The following NRG2 variants were observed in gnomAD, a reference collection of about 807,000 sequenced individuals.
NRG2 encodes neuregulin 2.
Under a neutral mutation model 73.9 loss-of-function variants are expected in NRG2, and 27 were observed. That is an observed-to-expected ratio of 0.37 (90% CI 0.27 to 0.50). The LOEUF is 0.50. NRG2 is among the 20% of genes least tolerant of loss of function. NRG2 has a pLI of 0.96. For missense variants in NRG2, 1,126 were observed against 1,210.1 expected, an observed-to-expected ratio of 0.93 and a Z score of 1.03; for synonymous variants, 532 against 541.0, an observed-to-expected ratio of 0.98 and a Z score of 0.23.
chr5:139,945,181 A>G (rs1753716295), intron 1 of NRG2, among the ~76,000 whole-genome samples: 1 of 152,018 alleles, frequency 6.6e-6, no homozygotes, highest in African/African-American at 2.4e-5. Context: ...TAGTTTGCAA[A>G]TATTTTCTTC....
chr5:139,895,829 ACT>A (rs1764510707), intron 1 of NRG2, among the ~76,000 whole-genome samples: 1 of 152,052 alleles, frequency 6.6e-6, no homozygotes. Context: ...ATTTACCCAA[ACT>A]CTGTTTAATC....
In NRG2 at chr5:140,042,808, C is replaced by T. The variant is rs940328989; in HGVS notation, c.262G>A (p.Ala88Thr). The change falls in exon 1 of 10, where the codon GCA (alanine) becomes ACA (threonine). Residue 88 changes from alanine (A) to threonine (T), a missense_variant. This residue lies in a region of NRG2 where 185 missense variants were observed against 149.0 expected (regional missense o/e 1.24). Coordinates refer to ENST00000361474, the MANE Select transcript of NRG2 (RefSeq NM_004883.3). ...ARRAAARSRA[A>T]AAGGMRRDPA... ...TCGCGCCTCATGCCGCCGGCGGCTG[C>T]GGCTCGCGAACGGGCGGCGGCTCTC... 1.4e-5 allele frequency: 21 copies of T among 1,497,246 alleles called. No individual in the cohort carries two copies. In the Admixed American group the frequency reaches 3.3e-4, roughly 23 times the overall value. The allele number at this position is 1,497,246 out of a possible 1,614,324, so 92.7% of individuals were successfully genotyped here.
intron 1 of NRG2, among the ~76,000 whole-genome samples, chr5:140,027,355 G>A (rs1760777534): frequency 6.6e-6 from 1 of 152,208 alleles, no homozygotes; most frequent in African/African-American, 2.4e-5. Flanking sequence ...AAATCTTAAA[G>A]AGCATTATCC....
chr5:139,955,876 C>T (rs948482853), intron 1 of NRG2, among the ~76,000 whole-genome samples: 7 of 152,166 alleles, frequency 4.6e-5, no homozygotes, highest in African/African-American at 1.7e-4. Flanking sequence ...GAATCAGCCC[C>T]ATGGAGCCTG....
rs2127002813 is a variant in NRG2, at chr5:139,852,594, T to C, written c.1417-35A>G. On this transcript the variant is annotated intron_variant, in intron 7 of 9. Coordinates refer to ENST00000361474, the MANE Select transcript of NRG2 (RefSeq NM_004883.3). This position sits in a 1 kb window ranked among gnomAD's most constrained non-coding sequence, Gnocchi z 4.4. ...ACAGAGTTGGGCGAGAGTTAGTGAC[T>C]GGGGCCCAAATGAACTCTTTCTTGT... 6.2e-7 allele frequency: 1 copy of C among 1,604,992 alleles called. No individual in the cohort carries two copies. The highest frequency in any genetic ancestry group is 8.5e-7 in the Non-Finnish European group (1 of 1,175,140).
intron 1 of NRG2, among the ~76,000 whole-genome samples, chr5:139,923,403 G>T (rs755681064): frequency 6.6e-5 from 10 of 152,188 alleles, no homozygotes; most frequent in African/African-American, 9.7e-5. Flanking sequence ...GCCCTGAAGT[G>T]CAGGGATAGA....
intron 1 of NRG2, among the ~76,000 whole-genome samples, chr5:139,996,745 T>A (rs1245253275): frequency 1.3e-5 from 2 of 152,224 alleles, no homozygotes; most frequent in Non-Finnish European, 2.9e-5. Flanking sequence ...GTAAGACCCT[T>A]GAAGGCAGAG....
At chr5:139,875,235 T>C (rs1312365748) in intron 3 of NRG2, among the ~76,000 whole-genome samples, 3 of 152,130 alleles carry the variant, frequency 2.0e-5, no homozygotes, top group Non-Finnish European at 4.4e-5. Flanking sequence ...ATGGTCTCGA[T>C]CTCCTGACCT....
chr5:139,892,119 A>C (rs1289147136), intron 1 of NRG2, among the ~76,000 whole-genome samples: 1 of 152,174 alleles, frequency 6.6e-6, no homozygotes, highest in Non-Finnish European at 1.5e-5. Context: ...GGTTGGGCAA[A>C]CCTTGTAGGA....
intron 1 of NRG2, among the ~76,000 whole-genome samples, chr5:139,961,572 G>A (rs1755068515): frequency 6.6e-6 from 1 of 152,176 alleles, no homozygotes; most frequent in Non-Finnish European, 1.5e-5. Flanking sequence ...GCATGGGGCT[G>A]GACTCCTTCT....
At chr5:139,918,071 C>T (rs72796710) in intron 1 of NRG2, among the ~76,000 whole-genome samples, 2,085 of 152,158 alleles carry the variant, frequency 0.014, 21 homozygotes, top group Middle Eastern at 0.058. Context: ...TTTTTGTATA[C>T]GGTATGAGGT....
intron 1 of NRG2, among the ~76,000 whole-genome samples, chr5:140,033,136 C>G (rs1761270038): frequency 6.6e-6 from 1 of 152,150 alleles, no homozygotes; most frequent in Non-Finnish European, 1.5e-5. Flanking sequence ...CCTTGGGAAG[C>G]CACCAGATAT....
chr5:140,010,009 T>C (rs1486220343), intron 1 of NRG2, among the ~76,000 whole-genome samples: 1 of 152,134 alleles, frequency 6.6e-6, no homozygotes, highest in East Asian at 1.9e-4. Flanking sequence ...CAAAAATTTC[T>C]GTATGAGGCC....
chr5:139,945,766 A>C (rs1049184919), intron 1 of NRG2, among the ~76,000 whole-genome samples: 1 of 152,058 alleles, frequency 6.6e-6, no homozygotes, highest in Non-Finnish European at 1.5e-5. Flanking sequence ...GAATTCAACA[A>C]AGTTGCAGGA....
At chr5:140,028,934 C>G (rs551160221) in intron 1 of NRG2, among the ~76,000 whole-genome samples, 2 of 152,246 alleles carry the variant, frequency 1.3e-5, no homozygotes, top group South Asian at 4.1e-4. Flanking sequence ...TGAGGAAACC[C>G]AGGCAAGGTC....
At chr5:139,913,242 G>C (rs1217255264) in intron 1 of NRG2, among the ~76,000 whole-genome samples, 1 of 152,090 alleles carries the variant, frequency 6.6e-6, no homozygotes, top group Admixed American at 6.6e-5. Flanking sequence ...GACCTTAATG[G>C]CCTTGTGAAT....
chr5:139,848,874 C>T lies in NRG2; in HGVS notation c.1773-177G>A, dbSNP rs114779812. Among the ~76,000 whole-genome samples, 255 of 152,306 alleles carry T rather than the reference C, an allele frequency of 1.7e-3. 1 individual carries two copies. Among genetic ancestry groups the T allele is most frequent in the Non-Finnish European group, 2.5e-3 (172 of 68,016 alleles). ...AGTGGCCTTATGCAATTTCCTAAAC[C>T]TCTCCGAGCCTCGGTTTCCTTATCT... is the stretch of plus-strand genomic sequence containing the variant. On this transcript the variant is annotated intron_variant, in intron 9 of 9. Coordinates refer to ENST00000361474, the MANE Select transcript of NRG2 (RefSeq NM_004883.3).
intron 2 of NRG2, among the ~76,000 whole-genome samples, chr5:139,884,169 C>T (rs757105709): frequency 6.6e-6 from 1 of 152,140 alleles, no homozygotes; most frequent in Non-Finnish European, 1.5e-5. Flanking sequence ...GGCTTTGAGG[C>T]TCTCTCATGC....
intron 1 of NRG2, among the ~76,000 whole-genome samples, chr5:139,938,922 AAAGAAAGAAAG>A (rs1753113041): frequency 7.3e-6 from 1 of 136,862 alleles, no homozygotes; most frequent in Non-Finnish European, 1.6e-5. Flanking sequence ...AGAAAGAAAG[AAAGAAAGAAAG>A]AAAGAAAGAA....
Sources: gnomAD v4.1 joint callset for allele counts (sites outside exome capture counted in the v4.1 genomes callset) on GRCh38, gnomAD v4.1.1 for gene constraint, gnomAD v4.1.1 regional missense constraint, Gnocchi (gnomAD v3.1) non-coding constraint, MANE v1.5 for transcripts, NCBI Gene and HGNC (gene_info 2026-07-23, HGNC 2026-07-21) for gene names.